The following POU1F1 variants were observed in gnomAD, a reference collection of about 807,000 sequenced individuals.
The protein encoded by POU1F1 is POU class 1 homeobox 1, also known as pituitary-specific positive transcription factor 1.
A neutral mutation model predicts 32.3 loss-of-function variants in POU1F1; 23 were observed. That is an observed-to-expected ratio of 0.71 (90% CI 0.51 to 1.01). POU1F1 has a LOEUF of 1.01. Ranked by LOEUF, POU1F1 falls within the 50% of genes least tolerant of loss-of-function variation. POU1F1 has a pLI of 0.00. For missense variants in POU1F1, 323 were observed against 341.6 expected (o/e 0.95, Z 0.43); for synonymous variants, 120 against 115.6 (o/e 1.04, Z -0.25).
At position 87,259,939 on chromosome 3, in the gene POU1F1, A is replaced by T; in HGVS notation, c.831T>A (p.Asn277Lys). The change falls in exon 6 of 6, where the codon AAT (asparagine) becomes AAA (lysine). Residue 277 changes from asparagine to lysine, a missense_variant. By Grantham distance (94) the Asn-to-Lys change is moderately conservative (BLOSUM62 0). Transcript: ENST00000350375. ...QREKRVKTSL[N>K]QSLFSISKEH... Reference sequence around the variant, plus strand: ...CCTTAGAAATAGAAAATAAACTCTGATTCAGACTTGTTTTCACCCGTTTTT... The same window carrying T: ...CCTTAGAAATAGAAAATAAACTCTGTTTCAGACTTGTTTTCACCCGTTTTT... 3.1e-6 allele frequency: 5 copies of T among 1,614,160 alleles called. No homozygotes were observed. Among genetic ancestry groups the T allele is most frequent in the Non-Finnish European group, 4.2e-6 (5 of 1,180,016 alleles).
intron 2 of POU1F1, 66 bp from the exon 3 acceptor site, chr3:87,264,578 A>G: frequency 3.0e-6 from 4 of 1,342,218 alleles, no homozygotes; most frequent in Non-Finnish European, 4.3e-6. Context: ...CTATATAAGA[A>G]AGGGTTTTGC....
intron 5 of POU1F1, 122 bp downstream of exon 5, chr3:87,261,151 G>C (rs1361862119): frequency 4.1e-6 from 3 of 730,980 alleles, no homozygotes; most frequent in South Asian, 3.2e-5. Context: ...CCTCAGGCCC[G>C]CCTTGGCCTC....
intron 2 of POU1F1, among the ~76,000 whole-genome samples, chr3:87,272,893 G>T (rs1447519786): frequency 6.6e-6 from 1 of 152,166 alleles, no homozygotes; most frequent in Non-Finnish European, 1.5e-5. Context: ...TGATATGGGA[G>T]TCGCTAGCCA....
At chr3:87,261,973 A>C in intron 4 of POU1F1, 98 bp downstream of exon 4, 1 of 1,435,228 alleles carries the variant, frequency 7.0e-7, no homozygotes. Flanking sequence ...GGCGGAAAAA[A>C]ACCCCTCAAA....
intron 2 of POU1F1, among the ~76,000 whole-genome samples, chr3:87,272,391 T>C (rs1293677624): frequency 2.0e-5 from 3 of 152,216 alleles, no homozygotes; most frequent in Non-Finnish European, 4.4e-5. Context: ...GCCATGCTGG[T>C]GCGCTGCACC....
rs769028797 is a variant in POU1F1, at chr3:87,264,281, C to T, written c.439+7G>A. 1 of 1,600,956 alleles carries T rather than the reference C, an allele frequency of 6.2e-7. No individual in the cohort carries two copies. The highest frequency in any genetic ancestry group is 1.1e-5 in the South Asian group (1 of 90,778). ...TCTTTTTCCTGTTGCCTTTAACAAG[C>T]ACATACCTAATTTAATTCGTCTCAC... is the stretch of plus-strand genomic sequence containing the variant. On this transcript the variant is annotated splice_region_variant and intron_variant, in intron 3 of 5. Coordinates refer to ENST00000350375, the MANE Select transcript of POU1F1 (RefSeq NM_000306.4).
intron 1 of POU1F1, among the ~76,000 whole-genome samples, chr3:87,274,799 T>C (rs537864635): frequency 5.7e-4 from 86 of 151,818 alleles, no homozygotes; most frequent in Non-Finnish European, 9.7e-4. Context: ...TTAAAACATT[T>C]GTAGGTCACT....
chr3:87,265,776 A>T (rs1435298072), intron 2 of POU1F1, among the ~76,000 whole-genome samples: 1 of 151,980 alleles, frequency 6.6e-6, no homozygotes, highest in Admixed American at 6.6e-5. Context: ...TTAAGGTAGA[A>T]GATGTGCCTA....
chr3:87,272,415 T>C (rs1373175751), intron 2 of POU1F1, among the ~76,000 whole-genome samples: 1 of 152,224 alleles, frequency 6.6e-6, no homozygotes, highest in Non-Finnish European at 1.5e-5. Flanking sequence ...TAACTTGTCA[T>C]TTAGCGTTAG....
In POU1F1 at chr3:87,265,403, G is replaced by T. The variant is rs1277198803; in HGVS notation, c.215-891C>A. ...AAAGGTCTGAAATTATTACACAATT[G>T]CTTCCAGATTTCCTTTTTCATTGGA... On this transcript the variant is annotated intron_variant, in intron 2 of 5. Transcript: ENST00000350375. 2.6e-5 allele frequency among the ~76,000 whole-genome samples: 4 copies of T among 152,102 alleles called. No individual in the cohort carries two copies. In the South Asian group the frequency reaches 6.2e-4, roughly 24 times the overall value.
intron 1 of POU1F1, among the ~76,000 whole-genome samples, chr3:87,275,825 T>A (rs1706815387): frequency 6.6e-6 from 1 of 150,812 alleles, no homozygotes; most frequent in South Asian, 2.1e-4. Context: ...ATTAAAACTC[T>A]ATTTTATTCT....
intron 1 of POU1F1, among the ~76,000 whole-genome samples, chr3:87,274,289 A>G (rs1391822349): frequency 6.6e-6 from 1 of 152,166 alleles, no homozygotes; most frequent in Non-Finnish European, 1.5e-5. Flanking sequence ...TTAAACACAA[A>G]TCATCAAGTT....
At chr3:87,265,904 C>T (rs1706611672) in intron 2 of POU1F1, among the ~76,000 whole-genome samples, 1 of 151,370 alleles carries the variant, frequency 6.6e-6, no homozygotes, top group Non-Finnish European at 1.5e-5. Flanking sequence ...ATAAGCAAGA[C>T]ATTTTTATAT....
At chr3:87,264,192 A>G in intron 3 of POU1F1, 96 bp downstream of exon 3, 2 of 967,776 alleles carry the variant, frequency 2.1e-6, no homozygotes, top group Non-Finnish European at 3.3e-6. Context: ...AAGAATGAGA[A>G]TCATCTTGTA....
At chr3:87,266,200 A>G (rs1706617529) in intron 2 of POU1F1, among the ~76,000 whole-genome samples, 1 of 147,034 alleles carries the variant, frequency 6.8e-6, no homozygotes, top group African/African-American at 2.5e-5. Flanking sequence ...AAAATATGTA[A>G]TCATAAATAT....
rs1010240376 is a variant in POU1F1 at position 87,274,474 on chromosome 3, C to T, written c.143-1056G>A. Among the ~76,000 whole-genome samples the T allele has an allele frequency of 5.9e-5, 9 of 151,476 alleles. No homozygotes were observed. In the East Asian group the frequency reaches 1.7e-3, roughly 29 times the overall value. ...TCCTTTGAGAATACCAATATACAAA[C>T]TAGTGATTAAAGACATGCCTTTCTT... On this transcript the variant is annotated intron_variant, in intron 1 of 5. Transcript: ENST00000350375.
Position 87,264,332 on chromosome 3 carries a change from A to T in POU1F1, c.395T>A (p.Leu132His), listed in dbSNP as rs1027098648. ...IDMDSPEIRE[L>H]EKFANEFKVR... ...TTTAAATTCATTGGCAAACTTTTCA[A>T]GTTCTCTGATTTCTGGAGAATCCAT... The change falls in exon 3 of 6, where the codon CTT (leucine) becomes CAT (histidine). Residue 132 changes from leucine (L) to histidine (H), a missense_variant. Coordinates refer to ENST00000350375, the MANE Select transcript of POU1F1 (RefSeq NM_000306.4). 3.7e-6 allele frequency: 6 copies of T among 1,613,916 alleles called. No individual in the cohort carries two copies. The highest frequency in any genetic ancestry group is 3.4e-6 in the Non-Finnish European group (4 of 1,179,870).
At chr3:87,270,182 C>T (rs901762328) in intron 2 of POU1F1, among the ~76,000 whole-genome samples, 2 of 152,052 alleles carry the variant, frequency 1.3e-5, no homozygotes, top group Non-Finnish European at 2.9e-5. Flanking sequence ...AGGAATTTAG[C>T]TGCAAGAGTA....
chr3:87,262,312 G>C lies in POU1F1; in HGVS notation c.440-77C>G. ...TTTTGGTTCATTGTCACACAAATCTGTGTATCTTTGTCAACTATTACACAC... is the reference window on the plus strand; with the variant it reads ...TTTTGGTTCATTGTCACACAAATCTCTGTATCTTTGTCAACTATTACACAC... On this transcript the variant is annotated intron_variant, in intron 3 of 5. Coordinates refer to ENST00000350375, the MANE Select transcript of POU1F1 (RefSeq NM_000306.4). 2.6e-6 allele frequency: 4 copies of C among 1,512,058 alleles called. No individual in the cohort carries two copies. In the Admixed American group the frequency reaches 6.7e-5, roughly 25 times the overall value. 93.7% of individuals were successfully genotyped at this position (1,512,058 alleles called of 1,614,324 possible).
Sources: gnomAD v4.1 joint callset for allele counts (sites outside exome capture counted in the v4.1 genomes callset) on GRCh38, gnomAD v4.1.1 for gene constraint, MANE v1.5 for transcripts, NCBI Gene and HGNC (gene_info 2026-07-23, HGNC 2026-07-21) for gene names.